The following MATK variants were observed in gnomAD, a reference collection of about 807,000 sequenced individuals.
MATK encodes megakaryocyte-associated tyrosine kinase.
Under a neutral mutation model 59.8 loss-of-function variants are expected in MATK, and 41 were observed. The observed-to-expected ratio is 0.69, with a 90% CI of 0.53 to 0.89. MATK has a LOEUF of 0.89. Ranked by LOEUF, MATK falls within the 40% of genes least tolerant of loss-of-function variation. The probability of loss-of-function intolerance (pLI) is 0.00; values close to 1 mark genes in which losing one functional copy is unlikely to be tolerated. For synonymous variants in MATK, 308 were observed against 306.1 expected (o/e 1.01, Z -0.06); for missense variants, 593 against 719.6 (o/e 0.82, Z 2.01).
intron 1 of MATK, among the ~76,000 whole-genome samples, chr19:3,795,039 G>A (rs143113924): frequency 1.7e-3 from 239 of 142,612 alleles, no homozygotes; most frequent in African/African-American, 5.7e-3. Flanking sequence ...GTGCAGTGGC[G>A]TGATCTTGGC....
At chr19:3,800,972 G>C (rs923333584) in intron 1 of MATK, among the ~76,000 whole-genome samples, 1 of 152,048 alleles carries the variant, frequency 6.6e-6, no homozygotes, top group African/African-American at 2.4e-5. Context: ...CGATTCTCCT[G>C]CCTCAGCCTC....
At position 3,779,685 on chromosome 19, in the gene MATK, C is replaced by T; in HGVS notation, c.842+13G>A. 1 of 1,612,548 alleles carries T rather than the reference C, an allele frequency of 6.2e-7. No homozygotes were observed. Among genetic ancestry groups the T allele is most frequent in the Non-Finnish European group, 8.5e-7 (1 of 1,179,656 alleles). ...CCCCGTCCCACGGTCCCCAGCCCCA[C>T]CCTGGGACTCACGTCATGACGGCCG... On this transcript the variant is annotated intron_variant, in intron 9 of 13. Transcript: ENST00000310132.
Position 3,785,054 on chromosome 19 carries a change from T to A in MATK, c.72+10A>T. The A allele has an allele frequency of 1.9e-6, 3 of 1,613,498 alleles. No homozygotes were observed. The highest frequency in any genetic ancestry group is 2.5e-6 in the Non-Finnish European group (3 of 1,179,542). ...GGCTCCCCAAGCCCCTGTGGGGAAG[T>A]GATCTTTACCCGGGGAAGTTCCTCA... is the stretch of plus-strand genomic sequence containing the variant. On this transcript the variant is annotated intron_variant, in intron 2 of 13. Coordinates refer to ENST00000310132, the MANE Select transcript of MATK (RefSeq NM_139355.3).
intron 1 of MATK, among the ~76,000 whole-genome samples, chr19:3,799,094 T>G (rs1322543266): frequency 6.6e-6 from 1 of 151,942 alleles, no homozygotes; most frequent in Non-Finnish European, 1.5e-5. Context: ...CATGAGCCAC[T>G]GCACTTGGCC....
rs779031778 is a variant in MATK, at chr19:3,783,108, C to T, written c.676+18G>A. 5.6e-6 allele frequency: 9 copies of T among 1,612,712 alleles called. No individual in the cohort carries two copies. The South Asian group carries it at 9.9e-5, about 18-fold the overall frequency. On this transcript the variant is annotated intron_variant, in intron 7 of 13. Coordinates refer to ENST00000310132, the MANE Select transcript of MATK (RefSeq NM_139355.3). ...ACGTGGGTAGGGAAGGGGGTCTGCC[C>T]TCCTGGGCGTCCCCTACCCCTGGCC...
chr19:3,800,127 G>C (rs1328901100), intron 1 of MATK, among the ~76,000 whole-genome samples: 1 of 146,268 alleles, frequency 6.8e-6, no homozygotes, highest in Non-Finnish European at 1.5e-5. Context: ...GGGCAACAGA[G>C]CGAGACTCCG....
chr19:3,798,986 T>C (rs2037619934), intron 1 of MATK, among the ~76,000 whole-genome samples: 1 of 150,038 alleles, frequency 6.7e-6, no homozygotes, highest in Non-Finnish European at 1.5e-5. Flanking sequence ...TTTTTTTTTT[T>C]CAGAGATGGG....
chr19:3,786,290 C>T lies in MATK; in HGVS notation c.-273G>A. ...CTTGGAGCGAGTTGCTCCGTTTCCT[C>T]ATTTTGGGGGCGAAGAAGGGTCGGG... On this transcript the variant is annotated 5_prime_UTR_variant, in exon 1 of 14. It removes an upstream start codon present in the reference 5' UTR. Transcript: ENST00000310132. The surrounding 1 kb of genome is among the most constrained non-coding windows in gnomAD (Gnocchi z 4.1). 1 of 985,116 alleles carries T rather than the reference C, an allele frequency of 1.0e-6. No homozygotes were observed. The highest frequency in any genetic ancestry group is 1.2e-6 in the Non-Finnish European group (1 of 829,836). The allele number at this position is 985,116 out of a possible 1,614,324, so 61.0% of individuals were successfully genotyped here.
upstream of MATK, chr19:3,789,153 C>A (rs1414603386): frequency 8.4e-6 from 5 of 595,200 alleles, no homozygotes; most frequent in African/African-American, 1.9e-5. Flanking sequence ...TGCAGCTGTC[C>A]TTCTGTCACA....
At chr19:3,783,041 A>T in intron 7 of MATK, 85 bp downstream of exon 7, 1 of 1,256,294 alleles carries the variant, frequency 8.0e-7, no homozygotes, top group South Asian at 1.2e-5. Context: ...ATCTGGCCTC[A>T]GAGGTGCGGG....
intron 1 of MATK, among the ~76,000 whole-genome samples, chr19:3,798,593 A>G (rs908513816): frequency 6.6e-6 from 1 of 152,042 alleles, no homozygotes; most frequent in Admixed American, 6.5e-5. Flanking sequence ...GTTCACTGCA[A>G]TCTCTGCTTC....
intron 8 of MATK, 147 bp from the exon 9 acceptor site, chr19:3,779,944 C>A: frequency 1.6e-6 from 1 of 641,638 alleles, no homozygotes; most frequent in Non-Finnish European, 2.8e-6. Flanking sequence ...AGACCCCATG[C>A]TCCTCACCCC....
intron 1 of MATK, chr19:3,785,586 A>G: frequency 4.3e-6 from 1 of 231,774 alleles, no homozygotes; most frequent in South Asian, 5.8e-5. Context: ...GCCTCCCATG[A>G]AATCCTCCAG....
At chr19:3,796,626 TG>T (rs1177953297) in intron 1 of MATK, among the ~76,000 whole-genome samples, 1 of 152,172 alleles carries the variant, frequency 6.6e-6, no homozygotes, top group Admixed American at 6.6e-5. Context: ...CCACCAGAAC[TG>T]ACATCTCCAC....
intron 8 of MATK, among the ~76,000 whole-genome samples, chr19:3,780,215 G>A (rs922981496): frequency 1.3e-5 from 2 of 151,946 alleles, no homozygotes; most frequent in Non-Finnish European, 2.9e-5. Flanking sequence ...GGGAGGCAGA[G>A]GTTGCAGTGA....
In MATK at chr19:3,779,688, TG is replaced by T. The variant is rs2037372337; in HGVS notation, c.842+9del. 1 of 1,611,214 alleles carries T rather than the reference TG, an allele frequency of 6.2e-7. No homozygotes were observed. Among genetic ancestry groups the T allele is most frequent in the African/African-American group, 1.3e-5 (1 of 74,114 alleles). On this transcript the variant is annotated intron_variant, in intron 9 of 13. Coordinates refer to ENST00000310132, the MANE Select transcript of MATK (RefSeq NM_139355.3). ...CGTCCCACGGTCCCCAGCCCCACCC[TG>T]GGACTCACGTCATGACGGCCGTCTC... is the stretch of plus-strand genomic sequence containing the variant.
intron 1 of MATK, among the ~76,000 whole-genome samples, chr19:3,801,096 C>G (rs2037639196): frequency 1.3e-5 from 2 of 152,140 alleles, no homozygotes; most frequent in South Asian, 4.1e-4. Context: ...CTCGGCCTCT[C>G]AAAGTGTTGG....
chr19:3,799,524 G>A (rs779068046), intron 1 of MATK, among the ~76,000 whole-genome samples: 2 of 152,210 alleles, frequency 1.3e-5, no homozygotes, highest in South Asian at 2.1e-4. Context: ...ACACACAGAC[G>A]GAATTAATGA....
Position 3,783,915 on chromosome 19 carries a change from T to C in MATK, c.481A>G (p.Ser161Gly), listed in dbSNP as rs374103319. The C allele has an allele frequency of 1.2e-6, 2 of 1,612,772 alleles. No homozygotes were observed. Among genetic ancestry groups the C allele is most frequent in the East Asian group, 2.2e-5 (1 of 44,876 alleles). Residue 161 changes from serine to glycine, a missense_variant, in exon 6 of 14, where the codon AGC (serine) becomes GGC (glycine). Transcript: ENST00000310132. ...TAGTGGATGACGTCGCGGCCAAAGCTCACGCACAGGACGTAGTCGCCGGGG... is the reference window on the plus strand; with the variant it reads ...TAGTGGATGACGTCGCGGCCAAAGCCCACGCACAGGACGTAGTCGCCGGGG... ...RHPGDYVLCVSFGRDVIHYRV... is the reference protein window; with the variant it reads ...RHPGDYVLCVGFGRDVIHYRV...
Sources: gnomAD v4.1 joint callset for allele counts (sites outside exome capture counted in the v4.1 genomes callset) on GRCh38, gnomAD v4.1.1 for gene constraint, Gnocchi (gnomAD v3.1) non-coding constraint, MANE v1.5 for transcripts, NCBI Gene and HGNC (gene_info 2026-07-23, HGNC 2026-07-21) for gene names.